Variants in PCLO observed in about 807,000 individuals in gnomAD.
PCLO encodes the protein piccolo presynaptic cytomatrix protein.
PCLO carries 82 observed loss-of-function variants against 427.5 expected under a neutral mutation model. That is an observed-to-expected ratio of 0.19 (90% CI 0.16 to 0.23). PCLO has a LOEUF of 0.23. PCLO is among the 10% of genes least tolerant of loss of function. PCLO has a pLI of 1.00. For synonymous variants in PCLO, 2,357 were observed against 2,155.4 expected, an observed-to-expected ratio of 1.09 and a Z score of -2.59; for missense variants, 6,239 against 6,115.9, an observed-to-expected ratio of 1.02 and a Z score of -0.67.
At chr7:83,040,797 C>T (rs1273244452) in intron 3 of PCLO, among the ~76,000 whole-genome samples, 3 of 152,082 alleles carry the variant, frequency 2.0e-5, no homozygotes, top group African/African-American at 4.8e-5. Context: ...GTTTCTCCCC[C>T]GCAGGCAAAA....
Position 83,162,531 on chromosome 7 carries a change from G to C in PCLO, c.62C>G (p.Ala21Gly), listed in dbSNP as rs111304433. 6.4e-7 allele frequency: 1 copy of C among 1,554,598 alleles called. No individual in the cohort carries two copies. The highest frequency in any genetic ancestry group is 8.7e-7 in the Non-Finnish European group (1 of 1,150,414). The change falls in exon 1 of 25, where the codon GCG (alanine) becomes GGG (glycine). Residue 21 changes from alanine to glycine, a missense_variant. By Grantham distance (60) the Ala-to-Gly change is moderately conservative. Around this residue, in one of 5 missense-constraint regions of PCLO, gnomAD observed 4,677 missense variants for 4,468.4 expected, o/e 1.05. Transcript: ENST00000333891. The part of the protein sequence containing the change: ...GLPEGLAAAA[A>G]AGGGASGAGS... ...CGCCCCGCTAGCTCCTCCTCCAGCC[G>C]CTGCGGCCGCCGCCAGCCCTTCGGG...
intron 24 of PCLO, among the ~76,000 whole-genome samples, chr7:82,759,058 A>G (rs6973724): frequency 3.3e-5 from 5 of 151,630 alleles, no homozygotes; most frequent in Non-Finnish European, 7.4e-5. Flanking sequence ...TTGCCAAATA[A>G]TTTTTTACTA....
At chr7:82,842,450 A>G (rs1273458057) in intron 13 of PCLO, among the ~76,000 whole-genome samples, 1 of 152,152 alleles carries the variant, frequency 6.6e-6, no homozygotes, top group African/African-American at 2.4e-5. Context: ...AGAGAGAAAC[A>G]TAAGGGAAAA....
chr7:83,012,740 T>C (rs1365132590), intron 3 of PCLO, among the ~76,000 whole-genome samples: 2 of 151,566 alleles, frequency 1.3e-5, no homozygotes, highest in Non-Finnish European at 2.9e-5. Flanking sequence ...CCTTGGTGAC[T>C]AGTACAGCAC....
chr7:82,865,447 C>A (rs1793068950), intron 10 of PCLO, among the ~76,000 whole-genome samples: 1 of 152,152 alleles, frequency 6.6e-6, no homozygotes, highest in Admixed American at 6.5e-5. Context: ...GAGATCGCGC[C>A]ATTGCACTCC....
chr7:83,147,466 T>C (rs933118339), intron 2 of PCLO, among the ~76,000 whole-genome samples: 1 of 152,296 alleles, frequency 6.6e-6, no homozygotes, highest in Admixed American at 6.5e-5. Context: ...GTACTTTATT[T>C]TTTTCTATTG....
At chr7:83,008,927 G>GA (rs1788012032) in intron 3 of PCLO, among the ~76,000 whole-genome samples, 1 of 150,898 alleles carries the variant, frequency 6.6e-6, no homozygotes, top group African/African-American at 2.4e-5. Flanking sequence ...TAAAGCGATG[G>GA]AAAAAAGATA....
At chr7:82,759,334 T>C (rs1215835227) in intron 24 of PCLO, among the ~76,000 whole-genome samples, 1 of 151,930 alleles carries the variant, frequency 6.6e-6, no homozygotes, top group Non-Finnish European at 1.5e-5. Context: ...TTATTCTCTT[T>C]TTCTCTTCAG....
rs1789381751 is a variant in PCLO, at chr7:83,056,466, T to A, written c.3300+77784A>T. On this transcript the variant is annotated intron_variant, in intron 3 of 24. Coordinates refer to ENST00000333891, the MANE Select transcript of PCLO (RefSeq NM_033026.6). ...TAAATGTTAACAGAAATAATACAAA[T>A]TAGTCAATATCCACGTCGAATGAGG... Among the ~76,000 whole-genome samples the A allele has an allele frequency of 2.0e-5, 3 of 152,180 alleles. No homozygotes were observed. In the South Asian group the frequency reaches 6.2e-4, roughly 31 times the overall value.
At chr7:83,013,888 T>C (rs1223784754) in intron 3 of PCLO, among the ~76,000 whole-genome samples, 1 of 152,202 alleles carries the variant, frequency 6.6e-6, no homozygotes, top group Non-Finnish European at 1.5e-5. Context: ...GTATTCTTTG[T>C]TATTAAACAA....
chr7:83,074,380 C>T (rs753404320), intron 3 of PCLO, among the ~76,000 whole-genome samples: 1 of 152,060 alleles, frequency 6.6e-6, no homozygotes, highest in Non-Finnish European at 1.5e-5. Flanking sequence ...TAAGGAATTT[C>T]GTTGACCTGT....
intron 8 of PCLO, among the ~76,000 whole-genome samples, chr7:82,908,428 A>G (rs1443320340): frequency 6.6e-6 from 1 of 152,110 alleles, no homozygotes; most frequent in African/African-American, 2.4e-5. Flanking sequence ...CCACTAAAAT[A>G]TCAGCTTCCT....
chr7:82,920,857 G>GT (rs1432374024), intron 6 of PCLO, among the ~76,000 whole-genome samples: 21 of 151,658 alleles, frequency 1.4e-4, no homozygotes, highest in African/African-American at 1.9e-4. Context: ...AAGATCTGTA[G>GT]TTTTTTCAAA....
intron 3 of PCLO, among the ~76,000 whole-genome samples, chr7:82,974,508 C>T (rs1183231549): frequency 6.6e-6 from 1 of 152,148 alleles, no homozygotes; most frequent in Non-Finnish European, 1.5e-5. Context: ...AATCATACAA[C>T]TTAATGCATT....
At chr7:83,059,310 A>G (rs28622159) in intron 3 of PCLO, among the ~76,000 whole-genome samples, 3,445 of 139,830 alleles carry the variant, frequency 0.025, 148 homozygotes, top group African/African-American at 0.085. Context: ...TATATATATT[A>G]TATTTATATA....
intron 20 of PCLO, chr7:82,821,559 T>G (rs1584010440): frequency 1.0e-6 from 1 of 976,608 alleles, no homozygotes; most frequent in Non-Finnish European, 1.2e-6. Context: ...GGTACCTACA[T>G]TTGTGAAATA....
chr7:83,115,590 C>A (rs1288723364), intron 3 of PCLO, among the ~76,000 whole-genome samples: 1 of 152,026 alleles, frequency 6.6e-6, no homozygotes, highest in African/African-American at 2.4e-5. Flanking sequence ...CAAAATGATG[C>A]CTTTTCATAC....
At chr7:83,024,386 C>T (rs1456895724) in intron 3 of PCLO, among the ~76,000 whole-genome samples, 3 of 152,200 alleles carry the variant, frequency 2.0e-5, no homozygotes, top group Non-Finnish European at 4.4e-5. Context: ...CCGAATACTG[C>T]ACTTTTCCGA....
chr7:83,014,850 A>T (rs1235578300), intron 3 of PCLO, among the ~76,000 whole-genome samples: 2 of 152,262 alleles, frequency 1.3e-5, no homozygotes, highest in East Asian at 3.9e-4. Context: ...AAGAACAAGG[A>T]AAATACTAGA....
Sources: allele counts gnomAD v4.1 joint callset (sites outside exome capture counted in the v4.1 genomes callset), GRCh38; gene constraint gnomAD v4.1.1; regional missense constraint gnomAD v4.1.1; transcripts MANE v1.5; gene names NCBI Gene and HGNC (gene_info 2026-07-23, HGNC 2026-07-21).